Variants in RPN1 observed in about 807,000 individuals in gnomAD.
RPN1 encodes the protein ribophorin I, also known as dolichyl-diphosphooligosaccharide--protein glycosyltransferase subunit 1.
In RPN1, 12 loss-of-function variants were observed where a neutral mutation model predicts 55.5. The ratio of observed to expected loss-of-function variants is 0.22; its 90% CI spans 0.14 to 0.35. RPN1 has a LOEUF of 0.35. RPN1 is among the 10% of genes least tolerant of loss of function. The pLI is 1.00. For missense variants in RPN1, 679 were observed against 761.3 expected (o/e 0.89, Z 1.27); for synonymous variants, 317 against 305.9 (o/e 1.04, Z -0.38).
At chr3:128,636,650 C>A (rs997804891) in intron 3 of RPN1, among the ~76,000 whole-genome samples, 3 of 152,032 alleles carry the variant, frequency 2.0e-5, no homozygotes, top group African/African-American at 7.2e-5. Context: ...ACCTCCTGGG[C>A]TCAAGTAATC....
In RPN1 at chr3:128,625,574, G is replaced by A. The variant is rs1468025896; in HGVS notation, c.1355C>T (p.Thr452Ile). ...VVAAFYILFF[T>I]VIIYVRLDFS... ...GTCCAGCCGAACATAGATGATAACG[G>A]TGAAGAACAGGATGTAGAAGGCCGC... Residue 452 changes from threonine to isoleucine, a missense_variant, in exon 8 of 10, where the codon ACC (threonine) becomes ATC (isoleucine). By Grantham distance (89) the Thr-to-Ile change is moderately conservative. This residue lies in a region of RPN1 where 306 missense variants were observed against 360.0 expected (regional missense o/e 0.85). Transcript: ENST00000296255. The A allele has an allele frequency of 6.2e-7, 1 of 1,614,072 alleles. No homozygotes were observed. Among genetic ancestry groups the A allele is most frequent in the South Asian group, 1.1e-5 (1 of 91,084 alleles).
In RPN1 at chr3:128,650,678, G is replaced by A. The variant is rs770275111; in HGVS notation, c.123C>T (p.Asp41=). The A allele has an allele frequency of 3.2e-6, 5 of 1,572,788 alleles. No individual in the cohort carries two copies. Among genetic ancestry groups the A allele is most frequent in the Non-Finnish European group, 3.5e-6 (4 of 1,159,082 alleles). The change falls in exon 1 of 10, where the codon GAC becomes GAT. Residue 41 remains aspartate, a synonymous_variant. Coordinates refer to ENST00000296255, the MANE Select transcript of RPN1 (RefSeq NM_002950.4). Reference sequence around the variant, plus strand: ...TCACCTTAGCCAGGTGGCTGCTTAGGTCCACTGTGCGCTTCACGTCCTCAT... The same window carrying A: ...TCACCTTAGCCAGGTGGCTGCTTAGATCCACTGTGCGCTTCACGTCCTCAT... ...LINEDVKRTV[D]LSSHLAKVTA...
At position 128,624,751 on chromosome 3, in the gene RPN1, G is replaced by A. The variant is rs193021390; in HGVS notation, c.1395+783C>T. Among the ~76,000 whole-genome samples, 12 of 151,872 alleles carry A rather than the reference G, an allele frequency of 7.9e-5. No homozygotes were observed. The East Asian group carries it at 2.1e-3, about 27-fold the overall frequency. ...CTACACAGGAGGCTGAGGCAGAATC[G>A]CTCGAACCCGGGAGGCAGAGGTTGC... On this transcript the variant is annotated intron_variant, in intron 8 of 9. Coordinates refer to ENST00000296255, the MANE Select transcript of RPN1 (RefSeq NM_002950.4).
At chr3:128,631,307 C>G (rs1262325147) in intron 4 of RPN1, among the ~76,000 whole-genome samples, 4 of 151,282 alleles carry the variant, frequency 2.6e-5, no homozygotes, top group African/African-American at 9.7e-5. Context: ...AACCCTGTCT[C>G]TACTAAAAAT....
intron 9 of RPN1, among the ~76,000 whole-genome samples, chr3:128,621,246 T>G (rs1012650135): frequency 6.6e-6 from 1 of 152,152 alleles, no homozygotes; most frequent in Non-Finnish European, 1.5e-5. Context: ...ACACGGTGGC[T>G]CACATCTGTA....
intron 1 of RPN1, among the ~76,000 whole-genome samples, chr3:128,645,202 G>A (rs1488244670): frequency 6.6e-6 from 1 of 151,642 alleles, no homozygotes; most frequent in Admixed American, 6.6e-5. Flanking sequence ...CCAGGCGCAG[G>A]GGCTCACACC....
At chr3:128,626,259 C>CA (rs1226296503) in intron 6 of RPN1, among the ~76,000 whole-genome samples, 1 of 152,164 alleles carries the variant, frequency 6.6e-6, no homozygotes, top group African/African-American at 2.4e-5. Flanking sequence ...CCTCCACTCC[C>CA]AAGTTCTCAC....
intron 8 of RPN1, 116 bp downstream of exon 8, chr3:128,625,418 C>T (rs777634132): frequency 6.7e-7 from 1 of 1,498,132 alleles, no homozygotes; most frequent in Non-Finnish European, 9.2e-7. Context: ...TGAGCACAGG[C>T]AGGGGTCTTT....
At chr3:128,631,636 G>A (rs547308712) in intron 4 of RPN1, among the ~76,000 whole-genome samples, 1 of 152,274 alleles carries the variant, frequency 6.6e-6, no homozygotes, top group East Asian at 1.9e-4. Context: ...CAGCTATTCA[G>A]GAGTCTGAGG....
chr3:128,626,651 CT>C, intron 6 of RPN1, 81 bp downstream of exon 6: 1 of 1,236,782 alleles, frequency 8.1e-7, no homozygotes, highest in Non-Finnish European at 1.2e-6. Context: ...GACTGTGCCC[CT>C]AGAACATAGG....
chr3:128,621,235 G>C (rs2069556398), intron 9 of RPN1, among the ~76,000 whole-genome samples: 1 of 152,240 alleles, frequency 6.6e-6, no homozygotes, highest in African/African-American at 2.4e-5. Context: ...GCGTGGGCCA[G>C]ACACGGTGGC....
At chr3:128,637,156 T>G (rs909315336) in intron 3 of RPN1, among the ~76,000 whole-genome samples, 4 of 152,048 alleles carry the variant, frequency 2.6e-5, no homozygotes, top group Non-Finnish European at 4.4e-5. Flanking sequence ...GAGGATGGAC[T>G]GAGCCCAGGA....
At chr3:128,644,245 TA>T (rs2069750154) in intron 2 of RPN1, among the ~76,000 whole-genome samples, 2 of 152,182 alleles carry the variant, frequency 1.3e-5, no homozygotes, top group Non-Finnish European at 2.9e-5. Context: ...TTTCTTCCTA[TA>T]AAACAAACTG....
At chr3:128,623,885 T>C (rs931472224) in intron 8 of RPN1, among the ~76,000 whole-genome samples, 5 of 152,134 alleles carry the variant, frequency 3.3e-5, no homozygotes, top group African/African-American at 7.2e-5. Flanking sequence ...ATTATGATTA[T>C]GTAAGAGAAT....
At chr3:128,630,826 G>A (rs2069635423) in intron 4 of RPN1, among the ~76,000 whole-genome samples, 2 of 152,176 alleles carry the variant, frequency 1.3e-5, no homozygotes, top group Admixed American at 6.6e-5. Context: ...TAAAAAATAT[G>A]GTTTAGGCCG....
chr3:128,622,169 C>T lies in RPN1; in HGVS notation c.1636G>A (p.Asp546Asn), dbSNP rs2069564762. The T allele has an allele frequency of 3.1e-6, 5 of 1,614,090 alleles. No homozygotes were observed. Among genetic ancestry groups the T allele is most frequent in the South Asian group, 1.1e-5 (1 of 91,032 alleles). Reference sequence around the variant, plus strand: ...CTGTGACGCCCGACACTTACTCTGTCGCACAGATCAGAGCCCTCTGTCTTC... The same window carrying T: ...CTGTGACGCCCGACACTTACTCTGTTGCACAGATCAGAGCCCTCTGTCTTC... ...RLKTEGSDLCDRVSEMQKLDA... is the reference protein window; with the variant it reads ...RLKTEGSDLCNRVSEMQKLDA... Residue 546 changes from aspartate (D) to asparagine (N), a missense_variant, in exon 9 of 10, where the codon GAC becomes AAC. This residue lies in a region of RPN1 where 306 missense variants were observed against 360.0 expected (regional missense o/e 0.85). Transcript: ENST00000296255.
intron 4 of RPN1, 104 bp downstream of exon 4, chr3:128,631,844 C>A (rs1454739031): frequency 8.0e-7 from 1 of 1,248,334 alleles, no homozygotes; most frequent in African/African-American, 1.5e-5. Context: ...CATCAGTCAA[C>A]CCTAAACAAC....
At chr3:128,647,507 G>A (rs1481747824) in intron 1 of RPN1, among the ~76,000 whole-genome samples, 1 of 151,944 alleles carries the variant, frequency 6.6e-6, no homozygotes, top group Non-Finnish European at 1.5e-5. Context: ...AACACAGCAA[G>A]ACCCCATCTC....
chr3:128,620,294 G>T lies in RPN1; in HGVS notation c.*117C>A. The T allele has an allele frequency of 1.2e-6, 1 of 824,652 alleles. No individual in the cohort carries two copies. Among genetic ancestry groups the T allele is most frequent in the Non-Finnish European group, 1.8e-6 (1 of 556,880 alleles). 51.1% of individuals were successfully genotyped at this position (824,652 alleles called of 1,614,324 possible). A position where few individuals can be genotyped will look rare whatever the true frequency, so the allele number is the denominator to read the frequency against. On this transcript the variant is annotated 3_prime_UTR_variant, in exon 10 of 10. Transcript: ENST00000296255. ...AGGGCCTGGTTTCTCTTCCTTGAAG[G>T]CCTTTTACAGATGTCAGCTTTCACT...
Sources: allele counts gnomAD v4.1 joint callset (sites outside exome capture counted in the v4.1 genomes callset), GRCh38; gene constraint gnomAD v4.1.1; regional missense constraint gnomAD v4.1.1; transcripts MANE v1.5; gene names NCBI Gene and HGNC (gene_info 2026-07-23, HGNC 2026-07-21).